Variants in ITGA4 observed in about 807,000 individuals in gnomAD.
The protein encoded by ITGA4 is integrin subunit alpha 4.
Under a neutral mutation model 133.6 loss-of-function variants are expected in ITGA4, and 63 were observed. The ratio of observed to expected loss-of-function variants is 0.47; its 90% CI spans 0.38 to 0.58. The LOEUF is 0.58. Ranked by LOEUF, ITGA4 falls within the 20% of genes least tolerant of loss-of-function variation. ITGA4 has a pLI of 0.00. For synonymous variants in ITGA4, 483 were observed against 438.0 expected, an observed-to-expected ratio of 1.10 and a Z score of -1.28; for missense variants, 1,076 against 1,252.7, an observed-to-expected ratio of 0.86 and a Z score of 2.13.
At position 181,458,218 on chromosome 2, in the gene ITGA4, G is replaced by A. The variant is rs1204951984; in HGVS notation, c.220G>A (p.Ala74Thr). The A allele has an allele frequency of 1.2e-6, 2 of 1,613,850 alleles. No homozygotes were observed. Among genetic ancestry groups the A allele is most frequent in the African/African-American group, 1.3e-5 (1 of 74,928 alleles). ...TAGGCTCCTAGTGGGTGCGCCCACTGCCAACTGGCTCGCCAACGCTTCAGT... is the reference window on the plus strand; with the variant it reads ...TAGGCTCCTAGTGGGTGCGCCCACTACCAACTGGCTCGCCAACGCTTCAGT... The part of the protein sequence containing the change: ...NRWLLVGAPT[A>T]NWLANASVIN... Residue 74 changes from alanine (A) to threonine (T), a missense_variant, in exon 2 of 28, where the codon GCC becomes ACC. By Grantham distance (58) the Ala-to-Thr change is moderately conservative. This residue lies in a region of ITGA4 where 436 missense variants were observed against 590.7 expected (regional missense o/e 0.74). Transcript: ENST00000397033.
In ITGA4 at chr2:181,473,744, G is replaced by T. The variant is rs186905765; in HGVS notation, c.320-1216G>T. Among the ~76,000 whole-genome samples, 11 of 152,290 alleles carry T rather than the reference G, an allele frequency of 7.2e-5. No individual in the cohort carries two copies. In the East Asian group the frequency reaches 1.9e-3, roughly 27 times the overall value. The stretch of plus-strand genomic sequence containing the variant: ...GCACTTTAGGAGGTCAAAGCAAGAG[G>T]ATCACTTGAGGCAAGAGTTCAAGAC... On this transcript the variant is annotated intron_variant, in intron 2 of 27. Coordinates refer to ENST00000397033, the MANE Select transcript of ITGA4 (RefSeq NM_000885.6).
At chr2:181,511,653 C>T (rs201803754) in intron 16 of ITGA4, 46 bp from the exon 17 acceptor site, 2 of 982,318 alleles carry the variant, frequency 2.0e-6, no homozygotes, top group East Asian at 2.4e-5. Flanking sequence ...TATAAATATA[C>T]TTGCTGATTA....
In ITGA4 at chr2:181,495,537, T is replaced by A; in HGVS notation, c.1385+121T>A. 2.5e-6 allele frequency: 2 copies of A among 795,920 alleles called. No individual in the cohort carries two copies. The highest frequency in any genetic ancestry group is 4.3e-6 in the Non-Finnish European group (2 of 469,880). The allele number at this position is 795,920 out of a possible 1,614,324, so 49.3% of individuals were successfully genotyped here. On this transcript the variant is annotated intron_variant, in intron 13 of 27. Transcript: ENST00000397033. This position sits in a 1 kb window ranked among gnomAD's most constrained non-coding sequence, Gnocchi z 4.3. ...GATGCTCTTTTGGTATTCTGAAGCT[T>A]AATTATTGATTTTTAGGGTATTTTT... is the stretch of plus-strand genomic sequence containing the variant.
At position 181,493,325 on chromosome 2, in the gene ITGA4, A is replaced by T; in HGVS notation, c.1154A>T (p.Asp385Val). 1 of 1,594,846 alleles carries T rather than the reference A, an allele frequency of 6.3e-7. No homozygotes were observed. Among genetic ancestry groups the T allele is most frequent in the Non-Finnish European group, 8.6e-7 (1 of 1,166,454 alleles). The change falls in exon 11 of 28, where the codon GAT becomes GTT. Residue 385 changes from aspartate (D) to valine (V), a missense_variant and splice_region_variant. By Grantham distance (152) the Asp-to-Val change is radical (BLOSUM62 -3). Transcript: ENST00000397033. ...LGDIDNDGFE[D>V]VAIGAPQEDD... Reference sequence around the variant, plus strand: ...TTCCATTGTTTAAATTATTGGATAGATGTTGCTATCGGAGCTCCACAAGAA... The same window carrying T: ...TTCCATTGTTTAAATTATTGGATAGTTGTTGCTATCGGAGCTCCACAAGAA...
At chr2:181,475,995 A>G in intron 4 of ITGA4, 1 of 1,208,152 alleles carries the variant, frequency 8.3e-7, no homozygotes, top group Non-Finnish European at 1.1e-6. Context: ...TCACTCAAAA[A>G]AAATCCCTCA....
chr2:181,508,506 AC>A (rs1686440247), intron 15 of ITGA4, among the ~76,000 whole-genome samples: 1 of 151,666 alleles, frequency 6.6e-6, no homozygotes, highest in South Asian at 2.1e-4. Context: ...GACCAGCCCT[AC>A]CAACATGGTG....
intron 15 of ITGA4, 21 bp from the exon 16 acceptor site, chr2:181,509,637 T>C (rs1414045000): frequency 3.1e-5 from 49 of 1,557,622 alleles, no homozygotes; most frequent in Non-Finnish European, 4.0e-5. Context: ...TGTTAATTCA[T>C]ATGGTGGTTA....
Position 181,535,736 on chromosome 2 carries a change from A to C in ITGA4, c.*209A>C, listed in dbSNP as rs537466900. 2.2e-6 allele frequency: 1 copy of C among 454,040 alleles called. No homozygotes were observed. The highest frequency in any genetic ancestry group is 4.0e-5 in the East Asian group (1 of 24,742). 28.1% of individuals were successfully genotyped at this position (454,040 alleles called of 1,614,324 possible). A position where few individuals can be genotyped will look rare whatever the true frequency, so the allele number is the denominator to read the frequency against. Reference sequence around the variant, plus strand: ...TGCAAAGGTAATAATACAGCCAAAGATAATCTCTCAGCTTTTAAATGGGTA... The same window carrying C: ...TGCAAAGGTAATAATACAGCCAAAGCTAATCTCTCAGCTTTTAAATGGGTA... On this transcript the variant is annotated 3_prime_UTR_variant, in exon 28 of 28. Coordinates refer to ENST00000397033, the MANE Select transcript of ITGA4 (RefSeq NM_000885.6).
intron 11 of ITGA4, among the ~76,000 whole-genome samples, 188 bp downstream of exon 11, chr2:181,493,607 C>T (rs957548404): frequency 3.9e-5 from 6 of 152,208 alleles, no homozygotes; most frequent in African/African-American, 7.2e-5. Flanking sequence ...CTCCCTTTCT[C>T]CATAAATAAG....
intron 17 of ITGA4, among the ~76,000 whole-genome samples, chr2:181,513,157 G>T (rs1686538497): frequency 2.0e-5 from 3 of 151,878 alleles, no homozygotes; most frequent in Non-Finnish European, 4.4e-5. Flanking sequence ...CACCCTAAAT[G>T]GTCCTCCCTC....
At position 181,523,041 on chromosome 2, in the gene ITGA4, T is replaced by C. The variant is rs1484456342; in HGVS notation, c.2074-396T>C. 6.6e-6 allele frequency among the ~76,000 whole-genome samples: 1 copy of C among 152,146 alleles called. No individual in the cohort carries two copies. Among genetic ancestry groups the C allele is most frequent in the Admixed American group, 6.5e-5 (1 of 15,268 alleles). On this transcript the variant is annotated intron_variant, in intron 18 of 27. Transcript: ENST00000397033. This position sits in a 1 kb window ranked among gnomAD's most constrained non-coding sequence, Gnocchi z 4.2. The stretch of plus-strand genomic sequence containing the variant: ...TGAACCTTATGGATTCCTTGCCTCA[T>C]GATTTTTCAAGGAATTCAGACCCTG...
chr2:181,490,729 T>G (rs1013798136), intron 10 of ITGA4, among the ~76,000 whole-genome samples: 1 of 152,170 alleles, frequency 6.6e-6, no homozygotes, highest in Admixed American at 6.5e-5. Flanking sequence ...GTGCCTCAGT[T>G]TCCTCATCTG....
intron 10 of ITGA4, among the ~76,000 whole-genome samples, chr2:181,488,852 C>T (rs746558213): frequency 6.6e-6 from 1 of 152,182 alleles, no homozygotes; most frequent in East Asian, 1.9e-4. Flanking sequence ...GCCACTGCAC[C>T]CAGCCCTCCA....
chr2:181,480,750 G>A (rs1490632739), intron 6 of ITGA4, among the ~76,000 whole-genome samples: 3 of 152,002 alleles, frequency 2.0e-5, no homozygotes, highest in African/African-American at 7.2e-5. Context: ...GAAGCACATG[G>A]GTCTAAAAAC....
At chr2:181,499,615 C>T (rs769623399) in intron 15 of ITGA4, among the ~76,000 whole-genome samples, 9 of 152,230 alleles carry the variant, frequency 5.9e-5, no homozygotes, top group South Asian at 4.1e-4. Context: ...GACTCCAATA[C>T]GCTATTAAAT....
chr2:181,534,330 C>A lies in ITGA4; in HGVS notation c.2843C>A (p.Pro948Gln). 6.2e-7 allele frequency: 1 copy of A among 1,609,876 alleles called. No individual in the cohort carries two copies. The highest frequency in any genetic ancestry group is 1.1e-5 in the South Asian group (1 of 90,954). ...GCAACAGGTTTTCCAGAGCCAAATC[C>A]AAGAGTAATTGAACTAAACAAGGAT... ...IRATGFPEPNPRVIELNKDEN... is the reference protein window; with the variant it reads ...IRATGFPEPNQRVIELNKDEN... Residue 948 changes from proline (P) to glutamine (Q), a missense_variant, in exon 26 of 28, where the codon CCA (proline) becomes CAA (glutamine). Around this residue, in one of 4 missense-constraint regions of ITGA4, gnomAD observed 193 missense variants for 172.3 expected, o/e 1.12. Transcript: ENST00000397033.
chr2:181,494,672 G>A (rs371826323), intron 11 of ITGA4, 50 bp from the exon 12 acceptor site: 8 of 899,064 alleles, frequency 8.9e-6, no homozygotes, highest in Admixed American at 1.7e-5. Flanking sequence ...TGCTTCTCTG[G>A]TATATTAGTA....
At position 181,486,019 on chromosome 2, in the gene ITGA4, T is replaced by G. The variant is rs747689506; in HGVS notation, c.1153+27T>G. 2.2e-5 allele frequency: 35 copies of G among 1,561,070 alleles called. No individual in the cohort carries two copies. The South Asian group carries it at 4.2e-4, about 19-fold the overall frequency. ...TAATTAAAATTATCAAATTGGTACTTGATTTCTGCTTTTAAAATGGTTTAT... is the reference window on the plus strand; with the variant it reads ...TAATTAAAATTATCAAATTGGTACTGGATTTCTGCTTTTAAAATGGTTTAT... On this transcript the variant is annotated intron_variant, in intron 10 of 27. Transcript: ENST00000397033.
intron 21 of ITGA4, 68 bp from the exon 22 acceptor site, chr2:181,527,229 A>G (rs1157849360): frequency 3.2e-6 from 3 of 926,268 alleles, no homozygotes; most frequent in Non-Finnish European, 3.5e-6. Context: ...TCCAGACTAT[A>G]GAAAAAGACT....
Sources: allele counts gnomAD v4.1 joint callset (sites outside exome capture counted in the v4.1 genomes callset), GRCh38; gene constraint gnomAD v4.1.1; regional missense constraint gnomAD v4.1.1; non-coding constraint Gnocchi (gnomAD v3.1); transcripts MANE v1.5; gene names NCBI Gene and HGNC (gene_info 2026-07-23, HGNC 2026-07-21).